PLEKHG4B: variants seen among roughly 807,000 people sequenced by gnomAD.
The protein encoded by PLEKHG4B is pleckstrin homology and RhoGEF domain containing G4B, also known as pleckstrin homology domain-containing family G member 4B.
In PLEKHG4B, 111 loss-of-function variants were observed where a neutral mutation model predicts 121.3. The observed-to-expected ratio is 0.92, with a 90% CI of 0.78 to 1.07. The LOEUF is 1.07. PLEKHG4B is among the 50% of genes least tolerant of loss of function. PLEKHG4B has a pLI of 0.00. For missense variants in PLEKHG4B, 1,831 were observed against 1,757.8 expected, an observed-to-expected ratio of 1.04 and a Z score of -0.74; for synonymous variants, 738 against 725.0, an observed-to-expected ratio of 1.02 and a Z score of -0.29.
intron 7 of PLEKHG4B, among the ~76,000 whole-genome samples, chr5:154,398 G>A (rs910181706): frequency 7.2e-5 from 11 of 152,076 alleles, no homozygotes; most frequent in South Asian, 2.1e-4. Flanking sequence ...TCCCACACGC[G>A]GGCAGCGGCC....
At chr5:172,252 C>CTA (rs775828420) in intron 16 of PLEKHG4B, among the ~76,000 whole-genome samples, 2 of 152,204 alleles carry the variant, frequency 1.3e-5, no homozygotes, top group Non-Finnish European at 2.9e-5. Flanking sequence ...CCAAGGAGCC[C>CTA]TAGGGGCGTC....
intron 1 of PLEKHG4B, among the ~76,000 whole-genome samples, chr5:107,139 C>T (rs1733997639): frequency 6.6e-6 from 1 of 152,212 alleles, no homozygotes; most frequent in South Asian, 2.1e-4. Context: ...GCTCAGCCAA[C>T]TGTAAAGCTG....
intron 18 of PLEKHG4B, among the ~76,000 whole-genome samples, chr5:178,040 G>T (rs1435690243): frequency 1.3e-5 from 2 of 152,146 alleles, no homozygotes; most frequent in Non-Finnish European, 2.9e-5. Flanking sequence ...TCCCTTTTCT[G>T]TTGGGGGAAC....
At chr5:172,410 G>A (rs1276017721) in intron 16 of PLEKHG4B, among the ~76,000 whole-genome samples, 1 of 152,234 alleles carries the variant, frequency 6.6e-6, no homozygotes, top group Non-Finnish European at 1.5e-5. Flanking sequence ...GATTTCTGTG[G>A]GGACGAGGGA....
At chr5:154,239 C>T (rs960341069) in intron 7 of PLEKHG4B, among the ~76,000 whole-genome samples, 12 of 150,314 alleles carry the variant, frequency 8.0e-5, no homozygotes, top group African/African-American at 2.9e-4. Flanking sequence ...CTCCTGACCT[C>T]ATTATCCGCC....
rs771589893 is a variant in PLEKHG4B, at chr5:156,940, G to A, written c.2487+29G>A. ...AGAGCTGCAGGAGGAAGGCGGCCCG[G>A]TCAGCATCCCCTCCAGGCCAGGCTG... On this transcript the variant is annotated intron_variant, in intron 11 of 19. Coordinates refer to ENST00000637938, the MANE Select transcript of PLEKHG4B (RefSeq NM_052909.5). This position sits in a 1 kb window ranked among gnomAD's most constrained non-coding sequence, Gnocchi z 4.4. 8 of 1,608,144 alleles carry A rather than the reference G, an allele frequency of 5.0e-6. No individual in the cohort carries two copies. Among genetic ancestry groups the A allele is most frequent in the Non-Finnish European group, 6.8e-6 (8 of 1,177,944 alleles).
intron 2 of PLEKHG4B, among the ~76,000 whole-genome samples, chr5:135,603 T>A (rs539260471): frequency 7.0e-6 from 1 of 142,560 alleles, no homozygotes; most frequent in East Asian, 2.1e-4. Flanking sequence ...GAGGCAGAGC[T>A]TGCAGTGAGC....
intron 18 of PLEKHG4B, 39 bp from the exon 19 acceptor site, chr5:181,475 G>A (rs779725027): frequency 2.3e-5 from 36 of 1,597,508 alleles, no homozygotes; most frequent in Admixed American, 8.5e-5. Flanking sequence ...ATTAGCCCCC[G>A]AGTTGCTTTG....
chr5:134,285 G>A (rs936303946), intron 2 of PLEKHG4B, among the ~76,000 whole-genome samples: 4 of 151,380 alleles, frequency 2.6e-5, no homozygotes, highest in African/African-American at 9.7e-5. Context: ...AGAATGCAAA[G>A]GCATAAGAAT....
At position 184,871 on chromosome 5, in the gene PLEKHG4B, TAAATA is replaced by T. The variant is rs1364649378; in HGVS notation, c.*2552_*2556del. On this transcript the variant is annotated 3_prime_UTR_variant, in exon 20 of 20. Coordinates refer to ENST00000637938, the MANE Select transcript of PLEKHG4B (RefSeq NM_052909.5). ...GGCAAGACCGCATCTCTATTAAAAA[TAAATA>T]AAAGTTAACTGACTGTTTAAACAAA... is the stretch of plus-strand genomic sequence containing the variant. 2.6e-5 allele frequency: 4 copies of T among 152,172 alleles called. No individual in the cohort carries two copies. The highest frequency in any genetic ancestry group is 6.5e-5 in the Admixed American group (1 of 15,286). 9.4% of individuals were successfully genotyped at this position (152,172 alleles called of 1,614,324 possible).
chr5:125,999 G>A (rs540778742), intron 2 of PLEKHG4B, among the ~76,000 whole-genome samples: 1 of 152,298 alleles, frequency 6.6e-6, no homozygotes, highest in Admixed American at 6.5e-5. Context: ...CATGTGATGA[G>A]TCACTTCTAT....
intron 6 of PLEKHG4B, among the ~76,000 whole-genome samples, chr5:150,830 G>C (rs1735582025): frequency 6.6e-6 from 1 of 152,156 alleles, no homozygotes; most frequent in South Asian, 2.1e-4. Context: ...TATCACATGA[G>C]CCAGAAATCC....
intron 2 of PLEKHG4B, among the ~76,000 whole-genome samples, chr5:118,185 G>A (rs1734358786): frequency 6.6e-6 from 1 of 152,118 alleles, no homozygotes; most frequent in Non-Finnish European, 1.5e-5. Flanking sequence ...GTAACAAAAA[G>A]CCAGGAAGAC....
At chr5:155,040 T>G in intron 8 of PLEKHG4B, 49 bp downstream of exon 8, 2 of 1,462,586 alleles carry the variant, frequency 1.4e-6, no homozygotes, top group Non-Finnish European at 1.9e-6. Flanking sequence ...CTGGGGACTT[T>G]CTGTTATGTG....
chr5:112,742 G>A (rs1209278670), intron 1 of PLEKHG4B, among the ~76,000 whole-genome samples: 1 of 152,212 alleles, frequency 6.6e-6, no homozygotes, highest in Non-Finnish European at 1.5e-5. Flanking sequence ...GCTGTGGGAT[G>A]AGCTTGTTTT....
chr5:100,342 AG>A (rs1442825550), intron 1 of PLEKHG4B, among the ~76,000 whole-genome samples: 1 of 152,142 alleles, frequency 6.6e-6, no homozygotes, highest in Admixed American at 6.5e-5. Flanking sequence ...AACTGGAAAA[AG>A]GTCTGTAGGG....
In PLEKHG4B at chr5:140,425, G is replaced by A. The variant is rs1735126870; in HGVS notation, c.1186G>A (p.Gly396Arg). ...RDLGTGAVASGTQEETSGPRG... is the reference protein window; with the variant it reads ...RDLGTGAVASRTQEETSGPRG... ...CCTGGGGACTGGGGCAGTAGCCAGT[G>A]GGACCCAGGAGGAAACCTCTGGCCC... Residue 396 changes from glycine (G) to arginine (R), a missense_variant, in exon 3 of 20, where the codon GGG becomes AGG. Gly to Arg is a moderately radical substitution (Grantham distance 125). Transcript: ENST00000637938. The A allele has an allele frequency of 6.4e-7, 1 of 1,562,714 alleles. No individual in the cohort carries two copies. Among genetic ancestry groups the A allele is most frequent in the Non-Finnish European group, 8.7e-7 (1 of 1,154,406 alleles).
rs1016262411 is a variant in PLEKHG4B at position 189,066 on chromosome 5, G to A, written c.*6743G>A. On this transcript the variant is annotated 3_prime_UTR_variant, in exon 20 of 20. Coordinates refer to ENST00000637938, the MANE Select transcript of PLEKHG4B (RefSeq NM_052909.5). ...CTGGAAATGAAGGTCTCAGGCAGGG[G>A]CTGCGCACACCGATGGTCAGCATTG... 2 of 152,348 alleles carry A rather than the reference G, an allele frequency of 1.3e-5. No homozygotes were observed. Among genetic ancestry groups the A allele is most frequent in the African/African-American group, 4.8e-5 (2 of 41,468 alleles). 9.4% of individuals were successfully genotyped at this position (152,348 alleles called of 1,614,324 possible).
At chr5:103,296 C>G (rs956949299) in intron 1 of PLEKHG4B, among the ~76,000 whole-genome samples, 3 of 152,154 alleles carry the variant, frequency 2.0e-5, no homozygotes, top group African/African-American at 7.2e-5. Context: ...CCTTTCCCAT[C>G]TTTGTTCCTG....
Sources: gnomAD v4.1 joint callset for allele counts (sites outside exome capture counted in the v4.1 genomes callset) on GRCh38, gnomAD v4.1.1 for gene constraint, Gnocchi (gnomAD v3.1) non-coding constraint, MANE v1.5 for transcripts, NCBI Gene and HGNC (gene_info 2026-07-23, HGNC 2026-07-21) for gene names.